Variants in RNF150 observed in about 807,000 individuals in gnomAD.
RNF150 encodes the protein ring finger protein 150.
RNF150 carries 24 observed loss-of-function variants against 39.3 expected under a neutral mutation model. The ratio of observed to expected loss-of-function variants is 0.61; its 90% CI spans 0.44 to 0.86. The LOEUF (loss-of-function observed/expected upper bound fraction) is 0.86. Among genes scored for constraint, RNF150 ranks in the 40% least tolerant of loss-of-function variants. RNF150 has a pLI of 0.00. For synonymous variants in RNF150, 255 were observed against 227.3 expected, an observed-to-expected ratio of 1.12 and a Z score of -1.10; for missense variants, 502 against 587.8, an observed-to-expected ratio of 0.85 and a Z score of 1.51.
At chr4:141,046,199 T>C (rs1578666357) in intron 1 of RNF150, among the ~76,000 whole-genome samples, 1 of 152,190 alleles carries the variant, frequency 6.6e-6, no homozygotes, top group Non-Finnish European at 1.5e-5. Flanking sequence ...ACAAGCTTGG[T>C]CTGACTGGTA....
chr4:140,933,781 C>T (rs556105800), intron 4 of RNF150, among the ~76,000 whole-genome samples: 35 of 152,224 alleles, frequency 2.3e-4, no homozygotes, highest in African/African-American at 8.4e-4. Context: ...CTATACTTTT[C>T]CATCTTTCTA....
At chr4:141,212,393 T>C (rs1192633584) in intron 1 of RNF150, among the ~76,000 whole-genome samples, 1 of 152,184 alleles carries the variant, frequency 6.6e-6, no homozygotes, top group African/African-American at 2.4e-5. Flanking sequence ...CCTCTTCAGC[T>C]TCCTCTTATC....
intron 1 of RNF150, among the ~76,000 whole-genome samples, chr4:140,998,001 T>C (rs539040545): frequency 1.2e-4 from 19 of 152,274 alleles, no homozygotes; most frequent in African/African-American, 4.3e-4. Context: ...TTAAATGTAT[T>C]AGCTGGTGGC....
intron 1 of RNF150, among the ~76,000 whole-genome samples, chr4:141,081,929 T>C (rs1288992153): frequency 6.6e-6 from 1 of 152,260 alleles, no homozygotes; most frequent in Non-Finnish European, 1.5e-5. Context: ...ACTGTTCCAC[T>C]TATGCCCTAG....
intron 1 of RNF150, among the ~76,000 whole-genome samples, chr4:141,086,120 C>T (rs1036962918): frequency 6.6e-6 from 1 of 151,592 alleles, no homozygotes; most frequent in Non-Finnish European, 1.5e-5. Context: ...CAACCAATTG[C>T]CAAGGGGTGG....
chr4:140,904,841 G>C (rs1011060073), intron 6 of RNF150, among the ~76,000 whole-genome samples: 1 of 152,204 alleles, frequency 6.6e-6, no homozygotes, highest in East Asian at 1.9e-4. Flanking sequence ...GTTTTAAATA[G>C]AGATGTTCTA....
intron 1 of RNF150, among the ~76,000 whole-genome samples, chr4:141,146,994 C>T (rs1727215749): frequency 6.6e-6 from 1 of 152,164 alleles, no homozygotes; most frequent in Admixed American, 6.5e-5. Flanking sequence ...CAGTGTCTTG[C>T]TCTGTCACCC....
chr4:141,045,104 G>A (rs1736521929), intron 1 of RNF150, among the ~76,000 whole-genome samples: 1 of 152,148 alleles, frequency 6.6e-6, no homozygotes, highest in Non-Finnish European at 1.5e-5. Context: ...CTTGTGCAAA[G>A]ACATTTAGCT....
At chr4:141,072,218 T>C (rs1737732984) in intron 1 of RNF150, among the ~76,000 whole-genome samples, 1 of 152,238 alleles carries the variant, frequency 6.6e-6, no homozygotes, top group African/African-American at 2.4e-5. Context: ...TTAAGTGTTT[T>C]ATATTATGAA....
intron 5 of RNF150, among the ~76,000 whole-genome samples, chr4:140,925,594 G>A (rs933376629): frequency 6.6e-6 from 1 of 152,088 alleles, no homozygotes; most frequent in Non-Finnish European, 1.5e-5. Flanking sequence ...GCAAAGTGTG[G>A]CTTACGGATC....
intron 1 of RNF150, among the ~76,000 whole-genome samples, chr4:141,035,296 G>A (rs1379952751): frequency 6.6e-6 from 1 of 152,116 alleles, no homozygotes; most frequent in African/African-American, 2.4e-5. Flanking sequence ...CTGCTGGTGT[G>A]AGCCAGAATG....
chr4:141,049,057 ATT>A (rs1736684604), intron 1 of RNF150, among the ~76,000 whole-genome samples: 1 of 152,222 alleles, frequency 6.6e-6, no homozygotes, highest in South Asian at 2.1e-4. Context: ...ATTATGAAAT[ATT>A]GTTAATATCA....
intron 1 of RNF150, among the ~76,000 whole-genome samples, chr4:141,089,655 T>C (rs1464882097): frequency 2.0e-5 from 3 of 152,210 alleles, no homozygotes; most frequent in African/African-American, 4.8e-5. Flanking sequence ...AAGAAACTCC[T>C]TGTAATCGTG....
At chr4:141,128,624 G>A (rs147009772) in intron 1 of RNF150, among the ~76,000 whole-genome samples, 2 of 152,130 alleles carry the variant, frequency 1.3e-5, no homozygotes, top group African/African-American at 4.8e-5. Flanking sequence ...TTTCTCTATA[G>A]CTTTTTGCTA....
intron 1 of RNF150, among the ~76,000 whole-genome samples, chr4:140,980,037 G>T (rs574607240): frequency 6.6e-6 from 1 of 151,990 alleles, no homozygotes; most frequent in South Asian, 2.1e-4. Flanking sequence ...TCCCCTTAAG[G>T]CTATTTCATT....
At chr4:140,921,226 C>G (rs1336676787) in intron 5 of RNF150, among the ~76,000 whole-genome samples, 4 of 151,030 alleles carry the variant, frequency 2.6e-5, no homozygotes, top group African/African-American at 7.3e-5. Context: ...GCTAGCAAGA[C>G]TAATAAAGAA....
chr4:140,999,983 GAAAA>G (rs1734551169), intron 1 of RNF150, among the ~76,000 whole-genome samples: 2 of 37,778 alleles, frequency 5.3e-5, no homozygotes, highest in Non-Finnish European at 1.2e-4. Flanking sequence ...AAGAAAAGAA[GAAAA>G]GAAGAAAAGA....
rs142230481 is a variant in RNF150 at position 141,126,710 on chromosome 4, C to T, written c.484+5615G>A. On this transcript the variant is annotated intron_variant, in intron 1 of 6. Transcript: ENST00000515673. ...GGCCCCAGTTACTGGGTTTTCTGAT[C>T]AAGAAGCCAGAAATTGGGAATTTTA... Among the ~76,000 whole-genome samples, 1,218 of 152,230 alleles carry T rather than the reference C, an allele frequency of 8.0e-3. 9 individuals carry two copies. Among genetic ancestry groups the T allele is most frequent in the Middle Eastern group, 0.024 (7 of 294 alleles).
At chr4:141,137,520 C>G (rs2111120822), upstream of RNF150, among the ~76,000 whole-genome samples, 1 of 152,222 alleles carries the variant, frequency 6.6e-6, no homozygotes, top group Middle Eastern at 3.4e-3. Flanking sequence ...AGTTTGGAGC[C>G]TAAGTAACTG....
Sources: gnomAD v4.1 joint callset for allele counts (sites outside exome capture counted in the v4.1 genomes callset) on GRCh38, gnomAD v4.1.1 for gene constraint, MANE v1.5 for transcripts, NCBI Gene and HGNC (gene_info 2026-07-23, HGNC 2026-07-21) for gene names.